The following SEMA3A variants were observed in gnomAD, a reference collection of about 807,000 sequenced individuals.
SEMA3A encodes the protein semaphorin-3A.
A neutral mutation model predicts 97.9 loss-of-function variants in SEMA3A; 29 were observed. That is an observed-to-expected ratio of 0.30 (90% CI 0.22 to 0.40). The LOEUF (loss-of-function observed/expected upper bound fraction) is 0.40. Among genes scored for constraint, SEMA3A ranks in the 10% least tolerant of loss-of-function variants. The pLI, the probability that SEMA3A is intolerant of heterozygous loss-of-function variation, is 1.00. For missense variants in SEMA3A, 763 were observed against 951.3 expected (o/e 0.80, Z 2.60); for synonymous variants, 321 against 323.7 (o/e 0.99, Z 0.09).
chr7:84,368,000 A>G (rs1456949845), intron 2 of SEMA3A, among the ~76,000 whole-genome samples: 3 of 151,388 alleles, frequency 2.0e-5, no homozygotes. Flanking sequence ...ATATAGAAAC[A>G]TCACAAAAGT....
At chr7:83,984,144 G>A (rs185036042) in intron 13 of SEMA3A, among the ~76,000 whole-genome samples, 56 of 152,186 alleles carry the variant, frequency 3.7e-4, no homozygotes, top group South Asian at 2.7e-3. Flanking sequence ...AAAAATAGAC[G>A]TGGAGTTAGT....
chr7:84,447,753 C>G (rs576459837), intron 1 of SEMA3A, among the ~76,000 whole-genome samples: 1 of 152,330 alleles, frequency 6.6e-6, no homozygotes, highest in South Asian at 2.1e-4. Context: ...GTAACACAAA[C>G]AGGTTTGAAA....
intron 1 of SEMA3A, among the ~76,000 whole-genome samples, chr7:84,475,226 G>T (rs1356486643): frequency 2.0e-5 from 3 of 152,006 alleles, no homozygotes; most frequent in African/African-American, 7.3e-5. Flanking sequence ...AACAATAATG[G>T]ATTGTTAGAG....
chr7:84,340,542 G>T (rs1802138967), intron 2 of SEMA3A, among the ~76,000 whole-genome samples: 2 of 152,096 alleles, frequency 1.3e-5, no homozygotes, highest in East Asian at 3.9e-4. Flanking sequence ...ACTTTGGGAG[G>T]CCGAGGCAGG....
chr7:84,197,757 T>G (rs1584115406), upstream of SEMA3A, among the ~76,000 whole-genome samples: 1 of 104,932 alleles, frequency 9.5e-6, no homozygotes, highest in Admixed American at 9.4e-5. Context: ...TTTTTTTTTT[T>G]GAGACGGAGT....
At chr7:84,218,579 C>A (rs1798803323) in intron 3 of SEMA3A, among the ~76,000 whole-genome samples, 2 of 152,066 alleles carry the variant, frequency 1.3e-5, no homozygotes, top group African/African-American at 4.8e-5. Context: ...TTTTTGGCCT[C>A]AATTCAATTT....
rs181043716 is a variant in SEMA3A at position 84,235,060 on chromosome 7, G to A, written c.-82-40392C>T. 2.7e-3 allele frequency among the ~76,000 whole-genome samples: 410 copies of A among 152,068 alleles called. 2 individuals carry two copies. The highest frequency in any genetic ancestry group is 9.6e-3 in the African/African-American group (398 of 41,520). ...ATGGAAACATTCTGAAGGGGCATTA[G>A]GTAATATATACGAAAATGATTTAAA... On this transcript the variant is annotated intron_variant, in intron 3 of 3. Coordinates refer to the SEMA3A transcript ENST00000424555.
intron 1 of SEMA3A, among the ~76,000 whole-genome samples, chr7:84,446,877 G>T (rs1308544102): frequency 1.3e-5 from 2 of 152,090 alleles, no homozygotes; most frequent in Non-Finnish European, 2.9e-5. Flanking sequence ...GTCAGGAACA[G>T]GTGGGAGCCC....
rs1258707157 is a variant in SEMA3A at position 83,990,562 on chromosome 7, T to G, written c.1453-5085A>C. On this transcript the variant is annotated intron_variant, in intron 12 of 16. Coordinates refer to ENST00000265362, the MANE Select transcript of SEMA3A (RefSeq NM_006080.3). ...GGCTAGCCAGTTTTCCCAGCACCAT[T>G]TATTAAATAGGGAATCCTTTCCCCA... Among the ~76,000 whole-genome samples, 5 of 143,362 alleles carry G rather than the reference T, an allele frequency of 3.5e-5. No individual in the cohort carries two copies. In the East Asian group the frequency reaches 8.3e-4, roughly 24 times the overall value. The allele number at this position is 143,362 out of a possible 152,430, so 94.1% of individuals were successfully genotyped here.
intron 2 of SEMA3A, among the ~76,000 whole-genome samples, chr7:84,367,169 A>G (rs1274870478): frequency 6.6e-6 from 1 of 151,324 alleles, no homozygotes; most frequent in East Asian, 1.9e-4. Flanking sequence ...TAGAAGTAAG[A>G]AAGACATTTT....
At chr7:84,422,143 T>G (rs2116282162) in intron 1 of SEMA3A, among the ~76,000 whole-genome samples, 1 of 152,146 alleles carries the variant, frequency 6.6e-6, no homozygotes, top group Non-Finnish European at 1.5e-5. Flanking sequence ...ATCCGTCTGG[T>G]CCTGGGCTTT....
At chr7:84,064,853 C>T (rs1457138870) in intron 4 of SEMA3A, among the ~76,000 whole-genome samples, 369 of 151,142 alleles carry the variant, frequency 2.4e-3, no homozygotes, top group African/African-American at 8.5e-3. Context: ...CAACATTAGA[C>T]AGATCAACGA....
At chr7:84,110,672 G>C in intron 3 of SEMA3A, 83 bp from the exon 4 acceptor site, 15 of 1,427,076 alleles carry the variant, frequency 1.1e-5, no homozygotes, top group Non-Finnish European at 1.4e-5. Context: ...TGCTGGAACA[G>C]ATTTGTCTTT....
intron 4 of SEMA3A, among the ~76,000 whole-genome samples, chr7:84,066,223 C>G (rs553489102): frequency 6.6e-6 from 1 of 152,086 alleles, no homozygotes; most frequent in Non-Finnish European, 1.5e-5. Flanking sequence ...TTCAACAACA[C>G]TTCATGCTAA....
intron 3 of SEMA3A, among the ~76,000 whole-genome samples, chr7:84,304,106 A>G (rs1360850198): frequency 2.6e-5 from 4 of 152,142 alleles, no homozygotes; most frequent in Admixed American, 6.6e-5. Flanking sequence ...AGGCAGGCAT[A>G]AGGAAGAAAA....
intron 1 of SEMA3A, among the ~76,000 whole-genome samples, chr7:84,461,622 A>C (rs1805842528): frequency 6.6e-6 from 1 of 152,132 alleles, no homozygotes; most frequent in Non-Finnish European, 1.5e-5. Context: ...ACCTTCCTTT[A>C]AATTATGTAC....
intron 7 of SEMA3A, among the ~76,000 whole-genome samples, chr7:84,012,635 T>A (rs919432002): frequency 1.3e-5 from 2 of 152,214 alleles, no homozygotes; most frequent in African/African-American, 4.8e-5. Context: ...GTTGAAGCAA[T>A]TTATATTTTA....
intron 3 of SEMA3A, among the ~76,000 whole-genome samples, chr7:84,201,535 A>G (rs1382737809): frequency 6.6e-6 from 1 of 152,054 alleles, no homozygotes; most frequent in Non-Finnish European, 1.5e-5. Flanking sequence ...GTAGCATTAT[A>G]TTCCAGGTTT....
chr7:84,109,747 A>G (rs1481174010), intron 4 of SEMA3A, among the ~76,000 whole-genome samples: 1 of 152,188 alleles, frequency 6.6e-6, no homozygotes, highest in Non-Finnish European at 1.5e-5. Context: ...TCACCACGTG[A>G]ACACTTTTGT....
Sources: gnomAD v4.1 joint callset for allele counts (sites outside exome capture counted in the v4.1 genomes callset) on GRCh38, gnomAD v4.1.1 for gene constraint, MANE v1.5 for transcripts, NCBI Gene and HGNC (gene_info 2026-07-23, HGNC 2026-07-21) for gene names.